The following KCNU1 variants were observed in gnomAD, a reference collection of about 807,000 sequenced individuals.
The protein encoded by KCNU1 is potassium calcium-activated channel subfamily U member 1.
KCNU1 carries 93 observed loss-of-function variants against 126.8 expected under a neutral mutation model. The ratio of observed to expected loss-of-function variants is 0.73; its 90% confidence interval spans 0.62 to 0.87. KCNU1 has a LOEUF of 0.87. Ranked by LOEUF, KCNU1 falls within the 40% of genes least tolerant of loss-of-function variation. KCNU1 has a pLI of 0.00. For synonymous variants in KCNU1, 523 were observed against 494.2 expected (o/e 1.06, Z -0.77); for missense variants, 1,330 against 1,367.1 (o/e 0.97, Z 0.43).
intron 2 of KCNU1, among the ~76,000 whole-genome samples, chr8:36,796,097 C>T (rs545985499): frequency 6.6e-6 from 1 of 152,292 alleles, no homozygotes; most frequent in Non-Finnish European, 1.5e-5. Context: ...ATGCATAATT[C>T]ATCTTTTCAG....
chr8:36,847,017 C>T (rs1038466926), intron 18 of KCNU1, among the ~76,000 whole-genome samples: 3 of 152,168 alleles, frequency 2.0e-5, no homozygotes, highest in African/African-American at 7.2e-5. Flanking sequence ...CAAGTCTTCA[C>T]TGATTTCTCC....
chr8:36,788,438 T>C (rs923537061), intron 2 of KCNU1, among the ~76,000 whole-genome samples: 2 of 152,188 alleles, frequency 1.3e-5, no homozygotes, highest in African/African-American at 4.8e-5. Flanking sequence ...TGTAGTTTGA[T>C]CTAAAATATG....
At chr8:36,795,010 G>T (rs1351075938) in intron 2 of KCNU1, among the ~76,000 whole-genome samples, 1 of 152,118 alleles carries the variant, frequency 6.6e-6, no homozygotes, top group Non-Finnish European at 1.5e-5. Flanking sequence ...AGCCTAGTTG[G>T]GCTCTAAATT....
rs183489097 is a variant in KCNU1 at position 36,927,281 on chromosome 8, T to C, written c.2737-3670T>C. ...CCTTCTGATACAGTTGACATTAAAA[T>C]GGCTTCAAGTGTTCCTGGTATACTA... On this transcript the variant is annotated intron_variant, in intron 24 of 26. Coordinates refer to ENST00000399881, the MANE Select transcript of KCNU1 (RefSeq NM_001031836.3). Among the ~76,000 whole-genome samples the C allele has an allele frequency of 1.1e-3, 163 of 152,302 alleles. 1 individual carries two copies. Among genetic ancestry groups the C allele is most frequent in the South Asian group, 3.7e-3 (18 of 4,826 alleles).
chr8:36,876,777 G>A (rs1806292501), intron 19 of KCNU1, among the ~76,000 whole-genome samples: 2 of 152,252 alleles, frequency 1.3e-5, no homozygotes, highest in South Asian at 4.1e-4. Context: ...CAAGGTAGGT[G>A]TGTATGTAGG....
chr8:36,804,026 G>A lies in KCNU1; in HGVS notation c.316-1G>A. 6.4e-7 allele frequency: 1 copy of A among 1,550,742 alleles called. No homozygotes were observed. Among genetic ancestry groups the A allele is most frequent in the Non-Finnish European group, 8.8e-7 (1 of 1,142,522 alleles). ...CATTTGTCCCTGTTTTTCATTTTCAGGTGATCCTTGTCTTTGTACTAAGCA... is the reference window on the plus strand; with the variant it reads ...CATTTGTCCCTGTTTTTCATTTTCAAGTGATCCTTGTCTTTGTACTAAGCA... On this transcript the variant is annotated splice_acceptor_variant, in intron 2 of 26. Coordinates refer to ENST00000399881, the MANE Select transcript of KCNU1 (RefSeq NM_001031836.3). LOFTEE classifies it high-confidence loss of function.
chr8:36,888,532 C>A (rs1032078447), intron 19 of KCNU1: 4 of 532,172 alleles, frequency 7.5e-6, no homozygotes. Context: ...CTGACATTTA[C>A]AAGATCTGGG....
intron 4 of KCNU1, 111 bp from the exon 5 acceptor site, chr8:36,806,158 G>T: frequency 1.6e-6 from 1 of 622,624 alleles, no homozygotes; most frequent in Non-Finnish European, 2.8e-6. Flanking sequence ...AAAATAGAAG[G>T]AGATCAAGGC....
chr8:36,848,348 G>T (rs1391906827), intron 18 of KCNU1, among the ~76,000 whole-genome samples: 1 of 152,116 alleles, frequency 6.6e-6, no homozygotes, highest in Non-Finnish European at 1.5e-5. Flanking sequence ...TGAAGTCTTA[G>T]CAATAAAATA....
At chr8:36,884,946 A>T (rs1016306206) in intron 19 of KCNU1, among the ~76,000 whole-genome samples, 15 of 152,170 alleles carry the variant, frequency 9.9e-5, no homozygotes, top group Admixed American at 6.6e-5. Context: ...CAAACTGAAA[A>T]TTGGAGACTT....
In KCNU1 at chr8:36,840,572, C is replaced by T; in HGVS notation, c.1628C>T (p.Ala543Val). 2.5e-6 allele frequency: 4 copies of T among 1,575,636 alleles called. No individual in the cohort carries two copies. The highest frequency in any genetic ancestry group is 1.7e-5 in the Admixed American group (1 of 59,668). Reference sequence around the variant, plus strand: ...GCTGGAATGAGCTTTCCTGAAGTTGCCCGGTAAGTGAAGTGAAATACTTCC... The same window carrying T: ...GCTGGAATGAGCTTTCCTGAAGTTGTCCGGTAAGTGAAGTGAAATACTTCC... ...DFAGMSFPEV[A>V]RLCFLKMHLL... Residue 543 changes from alanine to valine, a missense_variant, in exon 15 of 27, where the codon GCC (alanine) becomes GTC (valine). Ala to Val is a moderately conservative substitution (Grantham distance 64, BLOSUM62 0). This residue lies in a region of KCNU1 where 1,054 missense variants were observed against 1,053.9 expected (regional missense o/e 1.00). Coordinates refer to ENST00000399881, the MANE Select transcript of KCNU1 (RefSeq NM_001031836.3).
chr8:36,806,148 A>T (rs562937077), intron 4 of KCNU1, 121 bp from the exon 5 acceptor site: 45 of 610,442 alleles, frequency 7.4e-5, no homozygotes, highest in East Asian at 4.7e-4. Flanking sequence ...GTGTATATGT[A>T]AAATAGAAGG....
At chr8:36,860,790 G>A (rs986222263) in intron 18 of KCNU1, among the ~76,000 whole-genome samples, 5 of 152,070 alleles carry the variant, frequency 3.3e-5, no homozygotes, top group Admixed American at 3.3e-4. Context: ...AAAGGAAATT[G>A]GAAAGAGGGT....
intron 19 of KCNU1, among the ~76,000 whole-genome samples, chr8:36,897,394 A>T (rs1398210805): frequency 6.6e-6 from 1 of 152,050 alleles, no homozygotes; most frequent in African/African-American, 2.4e-5. Flanking sequence ...GAAATAAATG[A>T]CTTCCAGTAT....
In KCNU1 at chr8:36,804,055, G is replaced by T. The variant is rs753622564; in HGVS notation, c.344G>T (p.Gly115Val). 3 of 1,559,814 alleles carry T rather than the reference G, an allele frequency of 1.9e-6. No homozygotes were observed. The East Asian group carries it at 7.0e-5, about 36-fold the overall frequency. ...LVILVFVLSI[G>V]SLIIYFINSA... is the part of the protein sequence containing the mutation. Reference sequence around the variant, plus strand: ...ATCCTTGTCTTTGTACTAAGCATTGGGTCTCTTATAATCTATTTCATCAAT... The same window carrying T: ...ATCCTTGTCTTTGTACTAAGCATTGTGTCTCTTATAATCTATTTCATCAAT... The change falls in exon 3 of 27, where the codon GGG becomes GTG. Residue 115 changes from glycine (G) to valine (V), a missense_variant. Physicochemically the swap from Gly to Val is moderately radical, Grantham distance 109. Coordinates refer to ENST00000399881, the MANE Select transcript of KCNU1 (RefSeq NM_001031836.3).
At chr8:36,892,436 A>T (rs780252231) in intron 19 of KCNU1, among the ~76,000 whole-genome samples, 27 of 151,550 alleles carry the variant, frequency 1.8e-4, no homozygotes, top group Non-Finnish European at 3.8e-4. Context: ...GCTCTTATAA[A>T]ATCTTTGCCT....
chr8:36,903,843 G>A (rs1195060510), intron 19 of KCNU1, among the ~76,000 whole-genome samples: 1 of 152,148 alleles, frequency 6.6e-6, no homozygotes, highest in Non-Finnish European at 1.5e-5. Flanking sequence ...ATGATGGCAG[G>A]AAGGAGAAGT....
chr8:36,919,488 C>T (rs1808260916), intron 23 of KCNU1, among the ~76,000 whole-genome samples: 1 of 147,646 alleles, frequency 6.8e-6, no homozygotes, highest in African/African-American at 2.5e-5. Flanking sequence ...CTGTCACCAA[C>T]ACCTGTACAA....
chr8:36,888,181 G>T (rs1806793433), intron 19 of KCNU1, among the ~76,000 whole-genome samples: 1 of 152,088 alleles, frequency 6.6e-6, no homozygotes. Context: ...AAATAAGTAT[G>T]ATTAATATGT....
Sources: gnomAD v4.1 joint callset for allele counts (sites outside exome capture counted in the v4.1 genomes callset) on GRCh38, gnomAD v4.1.1 for gene constraint, gnomAD v4.1.1 regional missense constraint, MANE v1.5 for transcripts, NCBI Gene and HGNC (gene_info 2026-07-23, HGNC 2026-07-21) for gene names.